Variants in AP3B2 observed in about 807,000 individuals in gnomAD.
AP3B2 encodes the protein AP-3 complex subunit beta-2.
Under a neutral mutation model 126.9 loss-of-function variants are expected in AP3B2, and 50 were observed. The ratio of observed to expected loss-of-function variants is 0.39; its 90% CI spans 0.31 to 0.50. The LOEUF is 0.50. AP3B2 is among the 20% of genes least tolerant of loss of function. AP3B2 has a pLI of 0.79. For missense variants in AP3B2, 1,177 were observed against 1,426.4 expected (o/e 0.83, Z 2.82); for synonymous variants, 541 against 565.0 (o/e 0.96, Z 0.60).
chr15:82,702,443 G>A (rs187690068), intron 1 of AP3B2, among the ~76,000 whole-genome samples: 9 of 152,202 alleles, frequency 5.9e-5, no homozygotes, highest in African/African-American at 1.9e-4. Flanking sequence ...TATCCAGATG[G>A]CCTGAAGTAA....
chr15:82,673,962 G>T (rs1476798802), intron 14 of AP3B2, among the ~76,000 whole-genome samples: 2 of 152,122 alleles, frequency 1.3e-5, no homozygotes, highest in African/African-American at 4.8e-5. Context: ...TTTCCCCAGG[G>T]TCTATATCCA....
chr15:82,679,555 C>G (rs898511725), intron 10 of AP3B2, among the ~76,000 whole-genome samples, 174 bp downstream of exon 10: 1 of 152,166 alleles, frequency 6.6e-6, no homozygotes, highest in Non-Finnish European at 1.5e-5. Context: ...CCCTTCTCCC[C>G]CTGACCCTCC....
intron 1 of AP3B2, among the ~76,000 whole-genome samples, chr15:82,709,256 C>T (rs2048841013): frequency 6.6e-6 from 1 of 152,128 alleles, no homozygotes; most frequent in Non-Finnish European, 1.5e-5. Flanking sequence ...GAAGCCAACC[C>T]GCCTAGCACG....
At position 82,665,591 on chromosome 15, in the gene AP3B2, G is replaced by C. The variant is rs772511306; in HGVS notation, c.1853-16C>G. 4.4e-6 allele frequency: 7 copies of C among 1,594,410 alleles called. No homozygotes were observed. In the African/African-American group the frequency reaches 6.7e-5, roughly 15 times the overall value. On this transcript the variant is annotated splice_polypyrimidine_tract_variant and intron_variant, in intron 15 of 26. Transcript: ENST00000535359. The surrounding 1 kb of genome is among the most constrained non-coding windows in gnomAD (Gnocchi z 4.4). ...TGGTCCCGGTCTAGGGATAGGTTTA[G>C]AGGTCAGGCAGGTAGCAGCAGTGAG...
At chr15:82,699,761 GT>G (rs1379977851) in intron 1 of AP3B2, 3 of 399,316 alleles carry the variant, frequency 7.5e-6, no homozygotes, top group Non-Finnish European at 1.3e-5. Context: ...TGGTACCGGA[GT>G]GGGGGCCCAC....
intron 4 of AP3B2, chr15:82,688,246 TA>T (rs1343743825): frequency 6.8e-5 from 40 of 587,048 alleles, no homozygotes; most frequent in East Asian, 4.7e-4. Flanking sequence ...GAAAAGCCCT[TA>T]GGGGGGAGAC....
chr15:82,680,088 C>T lies in AP3B2; in HGVS notation c.1110+87G>A, dbSNP rs957111071. ...GGTATTCCTCCATCTTCCCTTTCCC[C>T]GGCCCCGGTCCCAGCCCCGACAACG... On this transcript the variant is annotated intron_variant, in intron 9 of 26. Transcript: ENST00000535359. The surrounding 1 kb of genome is among the most constrained non-coding windows in gnomAD (Gnocchi z 6.1). 2 of 1,553,606 alleles carry T rather than the reference C, an allele frequency of 1.3e-6. No homozygotes were observed. The highest frequency in any genetic ancestry group is 1.1e-5 in the South Asian group (1 of 87,418).
intron 15 of AP3B2, 100 bp downstream of exon 15, chr15:82,666,647 C>A: frequency 7.4e-7 from 1 of 1,348,760 alleles, no homozygotes; most frequent in South Asian, 1.5e-5. Context: ...TCCACAGAAG[C>A]CTGGTGCCTG....
chr15:82,688,406 G>C (rs2151448359), intron 4 of AP3B2: 1 of 702,200 alleles, frequency 1.4e-6, no homozygotes, highest in East Asian at 2.7e-5. Flanking sequence ...ACACAAAGGG[G>C]GGTGAGGGTT....
chr15:82,692,227 G>C (rs1050708368), intron 1 of AP3B2: 1 of 1,113,476 alleles, frequency 9.0e-7, no homozygotes, highest in Non-Finnish European at 1.3e-6. Context: ...AAGGCGAAGG[G>C]CACAAGGCAG....
intron 14 of AP3B2, among the ~76,000 whole-genome samples, chr15:82,671,598 C>T (rs1223160873): frequency 3.3e-5 from 5 of 151,372 alleles, no homozygotes; most frequent in Admixed American, 2.0e-4. Context: ...ATTAGCTAGG[C>T]GTGGTGGCAG....
chr15:82,693,181 T>TCCCCCCGCCCCCAC (rs1463192122), intron 1 of AP3B2, among the ~76,000 whole-genome samples: 1 of 109,984 alleles, frequency 9.1e-6, no homozygotes, highest in Admixed American at 9.5e-5. Flanking sequence ...AATAAGAATC[T>TCCCCCCGCCCCCAC]CCCCCCGCCC....
At position 82,680,773 on chromosome 15, in the gene AP3B2, C is replaced by G; in HGVS notation, c.772-18G>C. The G allele has an allele frequency of 6.3e-7, 1 of 1,597,998 alleles. No homozygotes were observed. On this transcript the variant is annotated intron_variant, in intron 7 of 26. Transcript: ENST00000535359. The surrounding 1 kb of genome is among the most constrained non-coding windows in gnomAD (Gnocchi z 6.1). ...AGGGATTCCTGGACGGGGAGACCGA[C>G]GGGTCTGTGGGCGCCTCCCCGGGAC...
At chr15:82,684,705 C>T (rs559235753) in intron 4 of AP3B2, among the ~76,000 whole-genome samples, 101 of 152,204 alleles carry the variant, frequency 6.6e-4, no homozygotes, top group African/African-American at 2.2e-3. Flanking sequence ...TTTATAGAGA[C>T]GGTCTTGAAC....
chr15:82,702,731 C>T (rs2048738366), intron 1 of AP3B2, among the ~76,000 whole-genome samples: 3 of 152,172 alleles, frequency 2.0e-5, no homozygotes, highest in African/African-American at 4.8e-5. Flanking sequence ...CTTTATTGCT[C>T]ACACAAAGCC....
intron 14 of AP3B2, among the ~76,000 whole-genome samples, chr15:82,669,508 A>G (rs549599514): frequency 7.2e-5 from 11 of 151,976 alleles, no homozygotes; most frequent in Non-Finnish European, 1.6e-4. Context: ...CGTGGCCAAC[A>G]TGATGAAATC....
At chr15:82,660,115 C>A (rs1457638308) in intron 25 of AP3B2, 132 bp from the exon 26 acceptor site, 4 of 1,208,710 alleles carry the variant, frequency 3.3e-6, no homozygotes, top group South Asian at 1.4e-5. Flanking sequence ...GAATTTAAAT[C>A]ATCAGTCTTG....
At position 82,665,653 on chromosome 15, in the gene AP3B2, G is replaced by C; in HGVS notation, c.1853-78C>G. On this transcript the variant is annotated intron_variant, in intron 15 of 26. Coordinates refer to ENST00000535359, the MANE Select transcript of AP3B2 (RefSeq NM_001278512.2). The surrounding 1 kb of genome is among the most constrained non-coding windows in gnomAD (Gnocchi z 4.4). ...GGAGCTGTTTTCCAGGTGGGGCTGG[G>C]TGGTGATTCTGGTTGGGACTTCCCA... 9 of 1,232,728 alleles carry C rather than the reference G, an allele frequency of 7.3e-6. No individual in the cohort carries two copies. Among genetic ancestry groups the C allele is most frequent in the Non-Finnish European group, 1.1e-5 (9 of 848,420 alleles). 76.4% of individuals were successfully genotyped at this position (1,232,728 alleles called of 1,614,324 possible).
rs2048274426 is a variant in AP3B2, at chr15:82,678,088, T to C, written c.1245+17A>G. 1.2e-6 allele frequency: 2 copies of C among 1,613,318 alleles called. No individual in the cohort carries two copies. Among genetic ancestry groups the C allele is most frequent in the Non-Finnish European group, 8.5e-7 (1 of 1,179,592 alleles). ...GGCCCCTCTCCCAGGCCCTTCTGGCTGGGAGCTGGCCTGTACCTGGAATTC... is the reference window on the plus strand; with the variant it reads ...GGCCCCTCTCCCAGGCCCTTCTGGCCGGGAGCTGGCCTGTACCTGGAATTC... On this transcript the variant is annotated intron_variant, in intron 11 of 26. Transcript: ENST00000535359.
Sources: gnomAD v4.1 joint callset for allele counts (sites outside exome capture counted in the v4.1 genomes callset) on GRCh38, gnomAD v4.1.1 for gene constraint, Gnocchi (gnomAD v3.1) non-coding constraint, MANE v1.5 for transcripts, NCBI Gene and HGNC (gene_info 2026-07-23, HGNC 2026-07-21) for gene names.